Variants in CTNNA3 observed in about 807,000 individuals in gnomAD.
CTNNA3 encodes the protein catenin alpha-3.
Under a neutral mutation model 95.7 loss-of-function variants are expected in CTNNA3, and 76 were observed. The observed-to-expected ratio is 0.79, with a 90% CI of 0.66 to 0.96. The LOEUF is 0.96. CTNNA3 is among the 40% of genes least tolerant of loss of function. The pLI, the probability that CTNNA3 is intolerant of heterozygous loss-of-function variation, is 0.00. For missense variants in CTNNA3, 1,191 were observed against 1,089.8 expected, an observed-to-expected ratio of 1.09 and a Z score of -1.31; for synonymous variants, 431 against 374.4, an observed-to-expected ratio of 1.15 and a Z score of -1.74.
chr10:67,691,017 G>A (rs368413509), intron 1 of CTNNA3, among the ~76,000 whole-genome samples: 3 of 152,294 alleles, frequency 2.0e-5, no homozygotes, highest in East Asian at 1.9e-4. Context: ...TCAGCCTGCC[G>A]AGTGCCTGCG....
chr10:66,377,046 T>C (rs1468941544), intron 12 of CTNNA3, among the ~76,000 whole-genome samples: 1 of 152,168 alleles, frequency 6.6e-6, no homozygotes, highest in Non-Finnish European at 1.5e-5. Context: ...ATCTAATTTA[T>C]TGCTCAGAAT....
At chr10:67,486,385 T>TTC (rs1387118280) in intron 5 of CTNNA3, among the ~76,000 whole-genome samples, 1 of 152,238 alleles carries the variant, frequency 6.6e-6, no homozygotes, top group Admixed American at 6.5e-5. Flanking sequence ...CCAATAGATC[T>TTC]TCTAGTTCTT....
At chr10:66,026,784 C>T (rs576198431) in intron 15 of CTNNA3, among the ~76,000 whole-genome samples, 9 of 152,058 alleles carry the variant, frequency 5.9e-5, no homozygotes, top group African/African-American at 9.6e-5. Flanking sequence ...ATTTTGAAGT[C>T]GCACAATAAA....
At chr10:66,344,217 AC>A (rs2132364125) in intron 12 of CTNNA3, among the ~76,000 whole-genome samples, 1 of 60,348 alleles carries the variant, frequency 1.7e-5, no homozygotes, top group South Asian at 8.0e-4. Context: ...ACAGGGCGAG[AC>A]TCCATCTCAA....
chr10:66,727,969 T>C (rs1237437646), intron 9 of CTNNA3, among the ~76,000 whole-genome samples: 4 of 152,214 alleles, frequency 2.6e-5, no homozygotes, highest in African/African-American at 9.6e-5. Context: ...ACTTTATTAA[T>C]GTGACGAAAT....
At chr10:66,622,470 A>G (rs1844783912) in intron 9 of CTNNA3, among the ~76,000 whole-genome samples, 1 of 152,110 alleles carries the variant, frequency 6.6e-6, no homozygotes, top group South Asian at 2.1e-4. Context: ...CCTAAATCCA[A>G]GGTTTACAAA....
rs117787796 is a variant in CTNNA3, at chr10:66,925,503, G to A, written c.1048-149979C>T. On this transcript the variant is annotated intron_variant, in intron 7 of 17. Coordinates refer to ENST00000433211, the MANE Select transcript of CTNNA3 (RefSeq NM_013266.4). ...ATAAAATCAATTATATCGTCTGTGAGAAAACCGGAAAGGCTATTGGACACA... is the reference window on the plus strand; with the variant it reads ...ATAAAATCAATTATATCGTCTGTGAAAAAACCGGAAAGGCTATTGGACACA... Among the ~76,000 whole-genome samples, 937 of 152,266 alleles carry A rather than the reference G, an allele frequency of 6.2e-3. 5 individuals carry two copies. The highest frequency in any genetic ancestry group is 7.3e-3 in the Non-Finnish European group (498 of 68,018).
intron 7 of CTNNA3, among the ~76,000 whole-genome samples, chr10:66,823,444 T>C (rs1409149951): frequency 6.6e-6 from 1 of 152,172 alleles, no homozygotes; most frequent in Non-Finnish European, 1.5e-5. Context: ...GAAGCAGCCA[T>C]TCTTCTTCTA....
At chr10:67,355,356 A>C (rs1320254304) in intron 5 of CTNNA3, among the ~76,000 whole-genome samples, 1 of 152,050 alleles carries the variant, frequency 6.6e-6, no homozygotes, top group Admixed American at 6.6e-5. Context: ...TCAGGTTGCA[A>C]AGTACCATAC....
intron 7 of CTNNA3, among the ~76,000 whole-genome samples, chr10:67,123,574 A>G (rs1195928278): frequency 2.6e-5 from 4 of 152,286 alleles, no homozygotes; most frequent in African/African-American, 9.6e-5. Flanking sequence ...TCTTTAACCC[A>G]TCTACACTAC....
intron 3 of CTNNA3, among the ~76,000 whole-genome samples, chr10:67,558,252 C>T (rs1841330234): frequency 6.6e-6 from 1 of 152,170 alleles, no homozygotes; most frequent in Non-Finnish European, 1.5e-5. Flanking sequence ...CCCAAATATA[C>T]TCCACTAGAA....
chr10:67,218,863 G>T (rs1448182231), intron 6 of CTNNA3, among the ~76,000 whole-genome samples: 1 of 152,112 alleles, frequency 6.6e-6, no homozygotes, highest in African/African-American at 2.4e-5. Flanking sequence ...AACTATCATA[G>T]TCCTTTTAAG....
intron 11 of CTNNA3, among the ~76,000 whole-genome samples, chr10:66,409,851 T>C (rs2093088900): frequency 6.6e-6 from 1 of 152,194 alleles, no homozygotes; most frequent in Non-Finnish European, 1.5e-5. Flanking sequence ...CCTTCACTTA[T>C]TCCTTATTTT....
intron 5 of CTNNA3, among the ~76,000 whole-genome samples, chr10:67,483,840 G>A (rs1848344709): frequency 6.8e-6 from 1 of 146,024 alleles, no homozygotes; most frequent in Admixed American, 6.8e-5. Context: ...ACAAACAAAT[G>A]GGAAAACATT....
Position 67,010,802 on chromosome 10 carries a change from AT to A in CTNNA3, c.1047+169514del, listed in dbSNP as rs1852276132. 3.3e-5 allele frequency among the ~76,000 whole-genome samples: 5 copies of A among 152,322 alleles called. No homozygotes were observed. The South Asian group carries it at 1.0e-3, about 32-fold the overall frequency. On this transcript the variant is annotated intron_variant, in intron 7 of 17. Transcript: ENST00000433211. ...ACAGAAAGGATTTGAGCATATCCAT[AT>A]TTGTATGCCCAGTTCTCAGCAGAGT...
At chr10:66,152,143 C>T (rs1419136864) in intron 13 of CTNNA3, among the ~76,000 whole-genome samples, 1 of 151,788 alleles carries the variant, frequency 6.6e-6, no homozygotes, top group East Asian at 1.9e-4. Flanking sequence ...AAAATAAGTA[C>T]CATTCAAAAA....
At chr10:66,497,959 C>G (rs1280702645) in intron 11 of CTNNA3, among the ~76,000 whole-genome samples, 1 of 152,034 alleles carries the variant, frequency 6.6e-6, no homozygotes, top group Admixed American at 6.6e-5. Context: ...AAAATCTATG[C>G]TTATAGCTCT....
intron 17 of CTNNA3, among the ~76,000 whole-genome samples, chr10:65,936,132 T>A (rs1309536969): frequency 6.6e-6 from 1 of 152,058 alleles, no homozygotes; most frequent in Non-Finnish European, 1.5e-5. Flanking sequence ...CAGTAAAGCT[T>A]TGGTTAGGGA....
At chr10:67,105,834 G>C (rs750075006) in intron 7 of CTNNA3, among the ~76,000 whole-genome samples, 22 of 152,196 alleles carry the variant, frequency 1.4e-4, no homozygotes, top group Non-Finnish European at 2.8e-4. Flanking sequence ...GAGGTCTAGG[G>C]AAAGACACTG....
Sources: gnomAD v4.1 joint callset for allele counts (sites outside exome capture counted in the v4.1 genomes callset) on GRCh38, gnomAD v4.1.1 for gene constraint, MANE v1.5 for transcripts, NCBI Gene and HGNC (gene_info 2026-07-23, HGNC 2026-07-21) for gene names.